Variants in DLG2 observed in about 807,000 individuals in gnomAD.
DLG2 encodes the protein discs large MAGUK scaffold protein 2.
In DLG2, 45 loss-of-function variants were observed where a neutral mutation model predicts 132.5. That is an observed-to-expected ratio of 0.34 (90% confidence interval 0.27 to 0.44). DLG2 has a LOEUF of 0.44. Ranked by LOEUF, DLG2 falls within the 20% of genes least tolerant of loss-of-function variation. The pLI is 1.00. For missense variants in DLG2, 1,045 were observed against 1,196.9 expected (o/e 0.87, Z 1.87); for synonymous variants, 424 against 419.6 (o/e 1.01, Z -0.13).
intron 6 of DLG2, among the ~76,000 whole-genome samples, chr11:84,590,629 T>C (rs1404317808): frequency 6.6e-6 from 1 of 152,150 alleles, no homozygotes; most frequent in East Asian, 1.9e-4. Context: ...CCAAACACTA[T>C]GATTTAAGTC....
intron 9 of DLG2, among the ~76,000 whole-genome samples, chr11:84,150,337 AAAT>A (rs1208472736): frequency 6.6e-6 from 1 of 152,130 alleles, no homozygotes; most frequent in Non-Finnish European, 1.5e-5. Context: ...ATCCTGCTGT[AAAT>A]AGGATTGCAT....
intron 11 of DLG2, among the ~76,000 whole-genome samples, chr11:84,038,902 T>C (rs1268285214): frequency 6.6e-6 from 1 of 151,964 alleles, no homozygotes; most frequent in Non-Finnish European, 1.5e-5. Context: ...AACCATTAGA[T>C]CTTGTAAGAA....
At chr11:83,561,883 C>CTTTTTTTTTTTTTTTTTTT (rs66514406) in intron 19 of DLG2, among the ~76,000 whole-genome samples, 2 of 87,946 alleles carry the variant, frequency 2.3e-5, no homozygotes, top group Non-Finnish European at 4.2e-5. Context: ...GTATTTCTTT[C>CTTTTTTTTTTTTTTTTTTT]TTTTTTTTTT....
intron 7 of DLG2, among the ~76,000 whole-genome samples, chr11:84,528,848 A>G (rs2099328627): frequency 6.6e-6 from 1 of 152,210 alleles, no homozygotes; most frequent in South Asian, 2.1e-4. Context: ...TGTGATAATA[A>G]CAACTTGATT....
intron 21 of DLG2, among the ~76,000 whole-genome samples, chr11:83,524,413 G>A (rs572975183): frequency 6.2e-4 from 95 of 152,182 alleles, no homozygotes; most frequent in African/African-American, 2.0e-3. Context: ...TGATGTAGAT[G>A]CTGCAGGATA....
chr11:85,472,296 G>A (rs1565543368), intron 3 of DLG2, among the ~76,000 whole-genome samples: 1 of 151,916 alleles, frequency 6.6e-6, no homozygotes, highest in African/African-American at 2.4e-5. Context: ...ACTGAGAACT[G>A]TTTTTTGTTT....
rs369563147 is a variant in DLG2, at chr11:85,181,011, CTTAT to C, written c.187-26364_187-26361del. On this transcript the variant is annotated intron_variant, in intron 4 of 27. Transcript: ENST00000376104. ...CAATTTTTTAATTATTCATAGAAATCTTATTTAATCAACAAATTTATCAATTGTT... is the reference window on the plus strand; with the variant it reads ...CAATTTTTTAATTATTCATAGAAATCTTAATCAACAAATTTATCAATTGTT... 2.7e-3 allele frequency among the ~76,000 whole-genome samples: 410 copies of C among 151,696 alleles called. 3 individuals carry two copies. The highest frequency in any genetic ancestry group is 4.5e-3 in the Non-Finnish European group (306 of 67,748).
At chr11:84,750,717 A>G (rs774011548) in intron 6 of DLG2, among the ~76,000 whole-genome samples, 4 of 152,126 alleles carry the variant, frequency 2.6e-5, no homozygotes, top group Non-Finnish European at 5.9e-5. Flanking sequence ...CTGTTTTTCA[A>G]TTACTTCATA....
chr11:84,747,039 G>A (rs1357447447), intron 6 of DLG2, among the ~76,000 whole-genome samples: 2 of 152,164 alleles, frequency 1.3e-5, no homozygotes, highest in African/African-American at 4.8e-5. Context: ...ACACTGGCAA[G>A]GCGGATAGCA....
At chr11:83,739,410 A>T (rs1389935410) in intron 18 of DLG2, among the ~76,000 whole-genome samples, 1 of 152,202 alleles carries the variant, frequency 6.6e-6, no homozygotes, top group African/African-American at 2.4e-5. Context: ...ATAATTAAAA[A>T]GAACATTAAG....
At chr11:84,268,398 T>G (rs1292274571) in intron 7 of DLG2, among the ~76,000 whole-genome samples, 1 of 152,026 alleles carries the variant, frequency 6.6e-6, no homozygotes, top group Non-Finnish European at 1.5e-5. Context: ...GTTGGAACAC[T>G]GAGTTCAAGG....
chr11:85,157,338 G>C (rs1251586655), intron 4 of DLG2, among the ~76,000 whole-genome samples: 5 of 152,096 alleles, frequency 3.3e-5, no homozygotes. Flanking sequence ...TGGTTTGGGG[G>C]TTTCTGGAGT....
chr11:84,350,310 T>G (rs2154411662), intron 7 of DLG2, among the ~76,000 whole-genome samples: 1 of 152,096 alleles, frequency 6.6e-6, no homozygotes, highest in East Asian at 1.9e-4. Context: ...ACATTTAAAA[T>G]GTTTGTGTTC....
chr11:84,537,889 A>C (rs2099359321), intron 6 of DLG2, among the ~76,000 whole-genome samples: 1 of 152,212 alleles, frequency 6.6e-6, no homozygotes, highest in Non-Finnish European at 1.5e-5. Flanking sequence ...ACTGGATGAA[A>C]ACTTTTTCAC....
chr11:84,619,661 A>G (rs2099610524), intron 6 of DLG2, among the ~76,000 whole-genome samples: 2 of 151,596 alleles, frequency 1.3e-5, no homozygotes, highest in Admixed American at 1.3e-4. Flanking sequence ...ATAGAAGGAA[A>G]AAAGATACTA....
At chr11:84,036,045 C>T (rs1226666432) in intron 11 of DLG2, among the ~76,000 whole-genome samples, 1 of 151,928 alleles carries the variant, frequency 6.6e-6, no homozygotes, top group Non-Finnish European at 1.5e-5. Flanking sequence ...TTTATCACAT[C>T]AAAGATGATA....
At chr11:83,816,915 C>A (rs577007264) in intron 17 of DLG2, among the ~76,000 whole-genome samples, 13 of 152,204 alleles carry the variant, frequency 8.5e-5, no homozygotes, top group African/African-American at 3.1e-4. Context: ...AGCTGGAAAC[C>A]TTTAAATAAT....
intron 6 of DLG2, among the ~76,000 whole-genome samples, chr11:85,078,137 A>G (rs1593755809): frequency 6.6e-6 from 1 of 151,134 alleles, no homozygotes; most frequent in East Asian, 2.0e-4. Context: ...AAAACAATAT[A>G]TCAAATCACT....
At chr11:83,775,815 G>A (rs770556219) in intron 18 of DLG2, among the ~76,000 whole-genome samples, 3 of 151,792 alleles carry the variant, frequency 2.0e-5, no homozygotes, top group African/African-American at 4.8e-5. Context: ...ATGAATAGCC[G>A]GGCGCAGTGG....
Sources: gnomAD v4.1 joint callset for allele counts (sites outside exome capture counted in the v4.1 genomes callset) on GRCh38, gnomAD v4.1.1 for gene constraint, MANE v1.5 for transcripts, NCBI Gene and HGNC (gene_info 2026-07-23, HGNC 2026-07-21) for gene names.